MYH11: variants seen among roughly 807,000 people sequenced by gnomAD.
MYH11 encodes the protein myosin-11.
MYH11 carries 80 observed loss-of-function variants against 246.6 expected under a neutral mutation model. The observed-to-expected ratio is 0.32, with a 90% confidence interval of 0.27 to 0.39. The LOEUF is 0.39. MYH11 is among the 10% of genes least tolerant of loss of function. The probability of loss-of-function intolerance (pLI) is 1.00; values close to 1 mark genes in which losing one functional copy is unlikely to be tolerated. For missense variants in MYH11, 2,158 were observed against 2,546.8 expected (o/e 0.85, Z 3.29); for synonymous variants, 1,071 against 1,015.5 (o/e 1.05, Z -1.04).
intron 38 of MYH11, 103 bp from the exon 39 acceptor site, chr16:15,715,375 T>A: frequency 1.0e-6 from 1 of 991,062 alleles, no homozygotes; most frequent in Non-Finnish European, 1.6e-6. Context: ...CTGAGCCCCG[T>A]ATCTGGACTC....
chr16:15,751,135 ATT>A (rs1034603507), intron 15 of MYH11, among the ~76,000 whole-genome samples: 1 of 148,130 alleles, frequency 6.8e-6, no homozygotes, highest in Non-Finnish European at 1.5e-5. Flanking sequence ...TATTATTATT[ATT>A]ATTATTATTA....
intron 37 of MYH11, chr16:15,718,072 G>A (rs573069767): frequency 1.5e-5 from 9 of 608,118 alleles, no homozygotes; most frequent in Admixed American, 8.9e-5. Context: ...CGTGAGGTAC[G>A]GGGAGCCAGC....
In MYH11 at chr16:15,759,731, G is replaced by GC. The variant is rs748020048; in HGVS notation, c.1249-4dup. The GC allele has an allele frequency of 1.3e-5, 21 of 1,613,946 alleles. No individual in the cohort carries two copies. In the East Asian group the frequency reaches 4.7e-4, roughly 36 times the overall value. ...AAAGCCTCTACAGCAAAGTCAGCCT[G>GC]CAGAGGGCAACCAGGGGAACCCGGT... is the stretch of plus-strand genomic sequence containing the variant. On this transcript the variant is annotated splice_polypyrimidine_tract_variant and splice_region_variant and intron_variant, in intron 11 of 40. Transcript: ENST00000300036.
rs200687524 is a variant in MYH11 at position 15,706,412 on chromosome 16, CCCTG to C, written c.5787-2293_5787-2290del. Among the ~76,000 whole-genome samples, 1,370 of 152,288 alleles carry C rather than the reference CCCTG, an allele frequency of 9.0e-3. 69 individuals carry two copies. Among genetic ancestry groups the C allele is most frequent in the Admixed American group, 0.081 (1,235 of 15,266 alleles). On this transcript the variant is annotated intron_variant, in intron 40 of 40. Transcript: ENST00000300036. ...TCACAGTTTTAACTCCAGGTTCAAA[CCCTG>C]ATGGGTTGGCCAGTTGCTGCGACTC...
At chr16:15,851,605 T>G (rs1243377566) in intron 1 of MYH11, among the ~76,000 whole-genome samples, 1 of 151,946 alleles carries the variant, frequency 6.6e-6, no homozygotes, top group African/African-American at 2.4e-5. Context: ...ATTTCTACCC[T>G]CCCCTCACCA....
chr16:15,719,509 T>C, intron 35 of MYH11, 76 bp downstream of exon 35: 1 of 1,605,086 alleles, frequency 6.2e-7, no homozygotes, highest in Non-Finnish European at 8.5e-7. Flanking sequence ...AATCTGGGAA[T>C]GCACAGACTG....
intron 37 of MYH11, chr16:15,717,753 G>A (rs566934387): frequency 2.4e-4 from 71 of 300,488 alleles, no homozygotes; most frequent in Admixed American, 1.5e-3. Context: ...CCAAGATTGC[G>A]CCACTGCACT....
intron 2 of MYH11, among the ~76,000 whole-genome samples, chr16:15,828,368 T>G (rs2043627638): frequency 6.6e-6 from 1 of 152,198 alleles, no homozygotes; most frequent in East Asian, 1.9e-4. Flanking sequence ...GCCTTCAATA[T>G]GCTGTTCTCT....
At chr16:15,799,335 G>C (rs2042827597) in intron 3 of MYH11, among the ~76,000 whole-genome samples, 1 of 152,180 alleles carries the variant, frequency 6.6e-6, no homozygotes, top group Admixed American at 6.5e-5. Flanking sequence ...GTCAAGGACA[G>C]GGAAGCACAG....
intron 8 of MYH11, 123 bp from the exon 9 acceptor site, chr16:15,771,835 T>G: frequency 1.6e-6 from 2 of 1,270,318 alleles, no homozygotes; most frequent in Non-Finnish European, 2.2e-6. Flanking sequence ...GCTTGAACCG[T>G]TTAAAGCCCT....
intron 3 of MYH11, among the ~76,000 whole-genome samples, chr16:15,800,583 G>A (rs2042859647): frequency 6.7e-6 from 1 of 149,008 alleles, no homozygotes; most frequent in South Asian, 2.2e-4. Flanking sequence ...AGAGTGTATA[G>A]GCCGGTAAAT....
intron 6 of MYH11, chr16:15,779,125 A>G (rs570446869): frequency 1.8e-6 from 1 of 543,232 alleles, no homozygotes; most frequent in Non-Finnish European, 3.3e-6. Flanking sequence ...ATCCCTATTT[A>G]AAAAAACTTA....
intron 1 of MYH11, among the ~76,000 whole-genome samples, chr16:15,847,826 T>G (rs774462376): frequency 3.3e-5 from 5 of 152,086 alleles, no homozygotes; most frequent in Non-Finnish European, 7.4e-5. Context: ...GACAGCAAGA[T>G]GGGGGATGAG....
chr16:15,830,936 C>T (rs1417565614), intron 2 of MYH11, among the ~76,000 whole-genome samples: 2 of 152,038 alleles, frequency 1.3e-5, no homozygotes, highest in Non-Finnish European at 2.9e-5. Flanking sequence ...CCTTGGCAGG[C>T]CGAGGCAGGT....
chr16:15,831,578 C>T (rs1351739759), intron 2 of MYH11, among the ~76,000 whole-genome samples: 1 of 151,648 alleles, frequency 6.6e-6, no homozygotes, highest in Admixed American at 6.6e-5. Flanking sequence ...TTTAAATATT[C>T]TCCTGAGGTC....
chr16:15,728,773 A>G (rs1275312591), intron 27 of MYH11, among the ~76,000 whole-genome samples: 1 of 151,898 alleles, frequency 6.6e-6, no homozygotes, highest in African/African-American at 2.4e-5. Context: ...GGTGGCAGTC[A>G]CCTGTAATCC....
rs556404547 is a variant in MYH11 at position 15,834,116 on chromosome 16, T to A, written c.345+3792A>T. Among the ~76,000 whole-genome samples, 4 of 152,208 alleles carry A rather than the reference T, an allele frequency of 2.6e-5. No individual in the cohort carries two copies. The South Asian group carries it at 8.3e-4, about 32-fold the overall frequency. ...ATTTGAGGACAGCAGGTGAGATGAA[T>A]ACACAGGCCTGTCCTGAAACTCCCT... On this transcript the variant is annotated intron_variant, in intron 2 of 40. Transcript: ENST00000300036.
chr16:15,724,535 T>C (rs936751775), intron 30 of MYH11, 112 bp downstream of exon 30: 1 of 1,607,010 alleles, frequency 6.2e-7, no homozygotes, highest in South Asian at 1.1e-5. Context: ...CAGGGGAAGC[T>C]GGGGGGTCAA....
At chr16:15,766,415 T>C (rs2151285848) in intron 9 of MYH11, among the ~76,000 whole-genome samples, 1 of 149,992 alleles carries the variant, frequency 6.7e-6, no homozygotes, top group African/African-American at 2.5e-5. Flanking sequence ...GTCACCCAGG[T>C]TGGAGTGCAT....
Sources: allele counts gnomAD v4.1 joint callset (sites outside exome capture counted in the v4.1 genomes callset), GRCh38; gene constraint gnomAD v4.1.1; transcripts MANE v1.5; gene names NCBI Gene and HGNC (gene_info 2026-07-23, HGNC 2026-07-21).